ATG10: variants seen among roughly 807,000 people sequenced by gnomAD.
The protein encoded by ATG10 is ubiquitin-like-conjugating enzyme ATG10.
A neutral mutation model predicts 32.1 loss-of-function variants in ATG10; 30 were observed. The ratio of observed to expected loss-of-function variants is 0.94; its 90% confidence interval spans 0.70 to 1.27. The LOEUF is 1.27. Ranked by LOEUF, ATG10 falls within the 50% of genes most tolerant of loss-of-function variation. The pLI is 0.00. For synonymous variants in ATG10, 87 were observed against 91.5 expected, an observed-to-expected ratio of 0.95 and a Z score of 0.28; for missense variants, 233 against 262.3, an observed-to-expected ratio of 0.89 and a Z score of 0.77.
intron 1 of ATG10, among the ~76,000 whole-genome samples, chr5:81,978,723 C>CTGA (rs1212385704): frequency 1.3e-5 from 2 of 151,976 alleles, no homozygotes; most frequent in African/African-American, 4.8e-5. Flanking sequence ...GGCAGTGTCA[C>CTGA]GGTCATAGCT....
chr5:82,065,461 G>A (rs1397699278), intron 3 of ATG10, among the ~76,000 whole-genome samples: 8 of 150,672 alleles, frequency 5.3e-5, no homozygotes, highest in African/African-American at 9.8e-5. Context: ...CAGCCTGGGC[G>A]AGAGAGCAAG....
intron 3 of ATG10, among the ~76,000 whole-genome samples, chr5:82,099,117 A>G (rs1157655597): frequency 1.3e-5 from 2 of 152,192 alleles, no homozygotes; most frequent in African/African-American, 4.8e-5. Flanking sequence ...ATATTTTCTC[A>G]GATTATTCAT....
At chr5:82,194,821 C>A (rs1744791193) in intron 5 of ATG10, among the ~76,000 whole-genome samples, 1 of 152,166 alleles carries the variant, frequency 6.6e-6, no homozygotes, top group South Asian at 2.1e-4. Context: ...TGTAGGTATG[C>A]TCTGGAACTC....
At chr5:82,252,465 G>T in intron 5 of ATG10, 97 bp from the exon 6 acceptor site, 1 of 756,086 alleles carries the variant, frequency 1.3e-6, no homozygotes, top group South Asian at 1.7e-5. Context: ...CTTGGAATTT[G>T]AGACAAACCT....
At chr5:82,176,320 C>T (rs1224492817) in intron 4 of ATG10, among the ~76,000 whole-genome samples, 1 of 152,204 alleles carries the variant, frequency 6.6e-6, no homozygotes, top group African/African-American at 2.4e-5. Context: ...ATTCAGACTT[C>T]AGTTCAGTCA....
At chr5:82,087,752 G>T (rs1196564928) in intron 3 of ATG10, among the ~76,000 whole-genome samples, 1 of 152,062 alleles carries the variant, frequency 6.6e-6, no homozygotes, top group African/African-American at 2.4e-5. Context: ...CTTTAGAGTG[G>T]TACAGGGCTG....
intron 2 of ATG10, among the ~76,000 whole-genome samples, chr5:81,996,859 C>T (rs909759634): frequency 2.6e-5 from 4 of 152,110 alleles, no homozygotes; most frequent in African/African-American, 9.7e-5. Flanking sequence ...TTACCATGTA[C>T]ATGATTATAA....
At chr5:82,140,094 C>T (rs1167804467) in intron 3 of ATG10, among the ~76,000 whole-genome samples, 3 of 134,906 alleles carry the variant, frequency 2.2e-5, no homozygotes, top group South Asian at 4.7e-4. Context: ...CCCGGCCAGC[C>T]GCCCCGTCTG....
At chr5:81,983,653 C>A (rs897021009) in intron 1 of ATG10, among the ~76,000 whole-genome samples, 67 of 151,478 alleles carry the variant, frequency 4.4e-4, no homozygotes, top group Non-Finnish European at 5.5e-4. Context: ...GACCCTCCCA[C>A]CTCCCTCCCG....
chr5:82,193,997 C>G (rs180672753), intron 5 of ATG10, among the ~76,000 whole-genome samples: 1 of 152,134 alleles, frequency 6.6e-6, no homozygotes. Flanking sequence ...AGCTGTGGAC[C>G]ATGGGGGAAC....
intron 5 of ATG10, among the ~76,000 whole-genome samples, chr5:82,209,210 G>A (rs12173237): frequency 0.13 from 20,202 of 151,976 alleles, 1,987 homozygotes; most frequent in African/African-American, 0.28. Context: ...TTTGAAGGTC[G>A]TCTTTTTTAA....
chr5:82,200,011 C>T (rs1745003290), intron 5 of ATG10, among the ~76,000 whole-genome samples: 1 of 152,020 alleles, frequency 6.6e-6, no homozygotes, highest in Admixed American at 6.5e-5. Context: ...TATGAATGTA[C>T]AGCATTTGGT....
chr5:82,129,857 C>G (rs1241282537), intron 3 of ATG10, among the ~76,000 whole-genome samples: 1 of 152,128 alleles, frequency 6.6e-6, no homozygotes, highest in African/African-American at 2.4e-5. Context: ...TGTCCCTTGG[C>G]AGAGCTCAAG....
chr5:82,131,379 A>C (rs577572642), intron 3 of ATG10, among the ~76,000 whole-genome samples: 1 of 152,146 alleles, frequency 6.6e-6, no homozygotes, highest in Non-Finnish European at 1.5e-5. Flanking sequence ...ATAGGGGTTC[A>C]TTTTCCAGTT....
chr5:82,206,649 CAA>C (rs200249945), intron 5 of ATG10, among the ~76,000 whole-genome samples: 12 of 84,588 alleles, frequency 1.4e-4, no homozygotes, highest in Non-Finnish European at 1.5e-4. Flanking sequence ...GACTCCATCT[CAA>C]AAAAAAAAAA....
At chr5:82,202,495 C>G (rs1745106775) in intron 5 of ATG10, among the ~76,000 whole-genome samples, 1 of 152,202 alleles carries the variant, frequency 6.6e-6, no homozygotes, top group Admixed American at 6.5e-5. Context: ...CTCTGTCTCT[C>G]TCTTTCTTTA....
At chr5:81,994,398 C>CA (rs969091407) in intron 2 of ATG10, among the ~76,000 whole-genome samples, 5 of 151,604 alleles carry the variant, frequency 3.3e-5, no homozygotes, top group East Asian at 1.9e-4. Flanking sequence ...CACTAGAAAA[C>CA]AAAAAAATGT....
chr5:81,973,851 T>C (rs564486711), intron 1 of ATG10, among the ~76,000 whole-genome samples: 1 of 152,366 alleles, frequency 6.6e-6, no homozygotes, highest in East Asian at 1.9e-4. Flanking sequence ...ATTGATATTT[T>C]AAATTGAAGA....
intron 1 of ATG10, among the ~76,000 whole-genome samples, chr5:81,977,492 A>G (rs918571555): frequency 6.6e-6 from 1 of 152,216 alleles, no homozygotes; most frequent in Admixed American, 6.5e-5. Flanking sequence ...TTTATTTCCA[A>G]GCAGCCCCTT....
Sources: gnomAD v4.1 joint callset for allele counts (sites outside exome capture counted in the v4.1 genomes callset) on GRCh38, gnomAD v4.1.1 for gene constraint, MANE v1.5 for transcripts, NCBI Gene and HGNC (gene_info 2026-07-23, HGNC 2026-07-21) for gene names.